Variants in ELP1 observed in about 807,000 individuals in gnomAD.
ELP1 encodes the protein elongator acetyltransferase complex subunit 1, also known as elongator complex protein 1.
In ELP1, 131 loss-of-function variants were observed where a neutral mutation model predicts 183.2. The ratio of observed to expected loss-of-function variants is 0.72; its 90% CI spans 0.62 to 0.83. ELP1 has a LOEUF of 0.83. Ranked by LOEUF, ELP1 falls within the 40% of genes least tolerant of loss-of-function variation. The pLI, the probability that ELP1 is intolerant of heterozygous loss-of-function variation, is 0.00. For synonymous variants in ELP1, 555 were observed against 569.0 expected, an observed-to-expected ratio of 0.98 and a Z score of 0.35; for missense variants, 1,550 against 1,594.9, an observed-to-expected ratio of 0.97 and a Z score of 0.48.
Position 108,901,432 on chromosome 9 carries a change from T to C in ELP1, c.2007A>G (p.Ser669=), listed in dbSNP as rs1828801329. 2.5e-6 allele frequency: 4 copies of C among 1,609,070 alleles called. No individual in the cohort carries two copies. The highest frequency in any genetic ancestry group is 1.7e-6 in the Non-Finnish European group (2 of 1,175,370). The change falls in exon 18 of 37, where the codon TCA becomes TCG. Residue 669 remains serine (S), a synonymous_variant. Coordinates refer to ENST00000374647, the MANE Select transcript of ELP1 (RefSeq NM_003640.5). ...TATACATTGAAAACTTACTTTTAAATGAAGCATCCCTCAGGCAAAAACACT... is the reference window on the plus strand; with the variant it reads ...TATACATTGAAAACTTACTTTTAAACGAAGCATCCCTCAGGCAAAAACACT... The part of the protein sequence containing the change: ...TCQCFCLRDA[S]FKTLQAGLSS...
chr9:108,902,315 A>G (rs1828836813), intron 16 of ELP1, among the ~76,000 whole-genome samples: 1 of 151,786 alleles, frequency 6.6e-6, no homozygotes, highest in African/African-American at 2.4e-5. Context: ...TCCTCAAATT[A>G]CCCCTCAAAC....
At chr9:108,869,228 T>C in intron 36 of ELP1, 46 bp from the exon 37 acceptor site, 1 of 1,526,424 alleles carries the variant, frequency 6.6e-7, no homozygotes, top group Non-Finnish European at 9.1e-7. Flanking sequence ...ATACTCTTGT[T>C]GGAGGGCGCT....
At chr9:108,882,100 T>TTTACAAATTACAACATTACAAATTA in intron 30 of ELP1, 25 bp downstream of exon 30, 1 of 1,603,938 alleles carries the variant, frequency 6.2e-7, no homozygotes, top group Non-Finnish European at 8.5e-7. Context: ...GCACCCAACA[T>TTTACAAATTACAACATTACAAATTA]CCAGAGGATT....
intron 7 of ELP1, 135 bp from the exon 8 acceptor site, chr9:108,919,036 G>T: frequency 1.2e-6 from 1 of 816,632 alleles, no homozygotes; most frequent in Non-Finnish European, 2.1e-6. Context: ...GATTAATTTT[G>T]TTACAAATTT....
At chr9:108,887,123 C>T (rs180813093) in intron 29 of ELP1, among the ~76,000 whole-genome samples, 3 of 152,148 alleles carry the variant, frequency 2.0e-5, no homozygotes, top group East Asian at 3.9e-4. Flanking sequence ...GTGGGAGGAT[C>T]GCTTGAGCCT....
At chr9:108,904,047 T>C (rs1391036678) in intron 14 of ELP1, among the ~76,000 whole-genome samples, 1 of 152,182 alleles carries the variant, frequency 6.6e-6, no homozygotes, top group Admixed American at 6.5e-5. Flanking sequence ...TCATTAGACA[T>C]GGATGGTACC....
At chr9:108,896,858 T>C in intron 24 of ELP1, 95 bp downstream of exon 24, 2 of 1,223,102 alleles carry the variant, frequency 1.6e-6, no homozygotes, top group Non-Finnish European at 2.4e-6. Flanking sequence ...ACATGTTAAA[T>C]CTGTGGTGTG....
At chr9:108,917,350 C>T (rs560201133) in intron 9 of ELP1, among the ~76,000 whole-genome samples, 197 bp downstream of exon 9, 1 of 152,040 alleles carries the variant, frequency 6.6e-6, no homozygotes, top group Admixed American at 6.6e-5. Context: ...GCCTGTAATC[C>T]CAGCTACTCG....
rs144631706 is a variant in ELP1 at position 108,881,698 on chromosome 9, C to A, written c.3346+7G>T. ...ATGAGGAATTCTATCTAAAATGGAA[C>A]CCTCACCTTCTAAAATGGAAGGCTT... On this transcript the variant is annotated splice_region_variant and intron_variant, in intron 31 of 36. Transcript: ENST00000374647. 116 of 1,546,866 alleles carry A rather than the reference C, an allele frequency of 7.5e-5. No individual in the cohort carries two copies. Among genetic ancestry groups the A allele is most frequent in the Non-Finnish European group, 9.6e-5 (108 of 1,119,202 alleles).
At chr9:108,892,279 T>C (rs898380283) in intron 27 of ELP1, among the ~76,000 whole-genome samples, 1 of 152,080 alleles carries the variant, frequency 6.6e-6, no homozygotes, top group Non-Finnish European at 1.5e-5. Flanking sequence ...GGTAGAGAAA[T>C]GACAGAGGAA....
intron 1 of ELP1, among the ~76,000 whole-genome samples, chr9:108,932,423 C>T (rs1369723534): frequency 6.6e-6 from 1 of 152,190 alleles, no homozygotes; most frequent in Non-Finnish European, 1.5e-5. Flanking sequence ...CTCACCGCAA[C>T]ATCTGCCTCC....
At chr9:108,908,458 T>G in intron 12 of ELP1, 54 bp from the exon 13 acceptor site, 1 of 1,315,132 alleles carries the variant, frequency 7.6e-7, no homozygotes, top group Non-Finnish European at 1.1e-6. Context: ...TTTCACCTAA[T>G]ACTAAGGGGA....
At chr9:108,906,184 A>G in intron 14 of ELP1, 119 bp downstream of exon 14, 1 of 954,346 alleles carries the variant, frequency 1.0e-6, no homozygotes, top group East Asian at 2.4e-5. Context: ...AGTGTGTCTA[A>G]CAAGAAAGCT....
chr9:108,887,026 T>C (rs1049177728), intron 29 of ELP1, among the ~76,000 whole-genome samples: 14 of 151,136 alleles, frequency 9.3e-5, no homozygotes, highest in Non-Finnish European at 4.4e-5. Flanking sequence ...CTGGGCAACA[T>C]GGCAAAACCC....
chr9:108,926,753 A>C (rs1361198000), intron 4 of ELP1, 150 bp from the exon 5 acceptor site: 1 of 669,246 alleles, frequency 1.5e-6, no homozygotes, highest in East Asian at 2.7e-5. Flanking sequence ...AAAAAACAAC[A>C]ATGACAAAAA....
chr9:108,914,423 G>GA (rs1829356628), intron 10 of ELP1, among the ~76,000 whole-genome samples: 1 of 118,782 alleles, frequency 8.4e-6, no homozygotes, highest in African/African-American at 2.9e-5. Flanking sequence ...AGGGGGGGGG[G>GA]GTTCTACTGA....
Position 108,894,038 on chromosome 9 carries a change from T to A in ELP1, c.2765A>T (p.Asn922Ile). The change falls in exon 26 of 37, where the codon AAT becomes ATT. Residue 922 changes from asparagine (N) to isoleucine (I), a missense_variant. Physicochemically the swap from Asn to Ile is moderately radical, Grantham distance 149. Coordinates refer to ENST00000374647, the MANE Select transcript of ELP1 (RefSeq NM_003640.5). Reference protein sequence around the residue: ...KDPKEYLPFLNTLKKMETNYQ... With the variant: ...KDPKEYLPFLITLKKMETNYQ... ...ATTAGTTTCCATTTTCTTAAGTGTATTAAGAAATGGAAGATATTCTTTGGG... is the reference window on the plus strand; with the variant it reads ...ATTAGTTTCCATTTTCTTAAGTGTAATAAGAAATGGAAGATATTCTTTGGG... The A allele has an allele frequency of 1.3e-6, 2 of 1,542,860 alleles. No individual in the cohort carries two copies. The highest frequency in any genetic ancestry group is 2.2e-5 in the South Asian group (2 of 89,278).
chr9:108,896,319 AAC>A (rs1238480696), intron 25 of ELP1, among the ~76,000 whole-genome samples, 175 bp downstream of exon 25: 18 of 152,142 alleles, frequency 1.2e-4, no homozygotes, highest in South Asian at 2.1e-4. Context: ...TCACAATCAA[AAC>A]ACTTTCATAA....
intron 36 of ELP1, among the ~76,000 whole-genome samples, chr9:108,872,364 TTA>T (rs922818792): frequency 7.9e-5 from 12 of 152,202 alleles, no homozygotes; most frequent in South Asian, 4.1e-4. Context: ...TACTACATCT[TTA>T]TGTTTGTTTA....
Sources: gnomAD v4.1 joint callset for allele counts (sites outside exome capture counted in the v4.1 genomes callset) on GRCh38, gnomAD v4.1.1 for gene constraint, MANE v1.5 for transcripts, NCBI Gene and HGNC (gene_info 2026-07-23, HGNC 2026-07-21) for gene names.